TRPM1: variants seen among roughly 807,000 people sequenced by gnomAD.
The protein encoded by TRPM1 is transient receptor potential cation channel subfamily M member 1, also known as TRPM1-203 APA Isoform, Intron 10.
In TRPM1, 113 loss-of-function variants were observed where a neutral mutation model predicts 149.4. The ratio of observed to expected loss-of-function variants is 0.76; its 90% CI spans 0.65 to 0.88. The LOEUF (loss-of-function observed/expected upper bound fraction) is 0.88. TRPM1 is among the 40% of genes least tolerant of loss of function. TRPM1 has a pLI of 0.00. For missense variants in TRPM1, 1,976 were observed against 2,038.7 expected, an observed-to-expected ratio of 0.97 and a Z score of 0.59; for synonymous variants, 741 against 759.5, an observed-to-expected ratio of 0.98 and a Z score of 0.40.
chr15:31,119,715 TATAAGGA>T (rs2035851584), intron 1 of TRPM1, among the ~76,000 whole-genome samples: 1 of 152,196 alleles, frequency 6.6e-6, no homozygotes, highest in South Asian at 2.1e-4. Flanking sequence ...ACAATGATGT[TATAAGGA>T]ACAGGAGTGT....
intron 9 of TRPM1, 100 bp downstream of exon 9, chr15:31,062,479 A>G (rs985209986): frequency 2.0e-6 from 3 of 1,502,008 alleles, no homozygotes; most frequent in Non-Finnish European, 2.7e-6. Context: ...AGGCCGGACT[A>G]AAATATGAAT....
At chr15:31,088,733 T>A (rs1038641925) in intron 1 of TRPM1, among the ~76,000 whole-genome samples, 1 of 151,690 alleles carries the variant, frequency 6.6e-6, no homozygotes, top group African/African-American at 2.4e-5. Context: ...GAAGCGGCGG[T>A]ATTCGTCTTC....
chr15:31,160,943 C>G, exon 1 of TRPM1: 1 of 1,535,516 alleles, frequency 6.5e-7, no homozygotes. Flanking sequence ...GAGCGAGCCC[C>G]GCTTGAAGGA....
chr15:31,020,766 C>T, intron 27 of TRPM1, among the ~76,000 whole-genome samples: 1 of 152,082 alleles, frequency 6.6e-6, no homozygotes, highest in East Asian at 1.9e-4. Context: ...GAGGACGGCT[C>T]ATTTGGTTGG....
upstream of TRPM1, among the ~76,000 whole-genome samples, chr15:31,104,506 C>CTCT (rs1240531232): frequency 6.6e-6 from 1 of 151,328 alleles, no homozygotes; most frequent in Non-Finnish European, 1.5e-5. Context: ...TAGGAGACAT[C>CTCT]TCTTTTGCAA....
intron 27 of TRPM1, among the ~76,000 whole-genome samples, chr15:31,005,190 A>T (rs2141104000): frequency 6.6e-6 from 1 of 152,056 alleles, no homozygotes; most frequent in Non-Finnish European, 1.5e-5. Flanking sequence ...TTTTGTATCA[A>T]AAAAAACCCC....
rs61039099 is a variant in TRPM1 at position 31,072,018 on chromosome 15, TAGAG to T, written c.84-1796_84-1793del. Among the ~76,000 whole-genome samples, 283 of 36,810 alleles carry T rather than the reference TAGAG, an allele frequency of 7.7e-3. 8 individuals carry two copies. In the Middle Eastern group the frequency reaches 0.083, roughly 11 times the overall value. The allele number at this position is 36,810 out of a possible 152,430, so 24.1% of individuals were successfully genotyped here. On this transcript the variant is annotated intron_variant, in intron 3 of 27. Transcript: ENST00000256552. ...ATATATATATATATATATATATATA[TAGAG>T]AGAGAGAGAGAGAGAGAGAGAGAGA...
At chr15:31,046,261 A>G in intron 15 of TRPM1, 28 bp from the exon 16 acceptor site, 1 of 1,607,818 alleles carries the variant, frequency 6.2e-7, no homozygotes, top group Non-Finnish European at 8.5e-7. Flanking sequence ...AAGAAAAAAA[A>G]TCAATTTACT....
At chr15:31,016,650 T>C (rs1310015176) in intron 27 of TRPM1, among the ~76,000 whole-genome samples, 1 of 152,212 alleles carries the variant, frequency 6.6e-6, no homozygotes, top group East Asian at 1.9e-4. Context: ...CTCCATCCTT[T>C]TGTATCAAAG....
At chr15:31,043,368 A>G (rs1235906574) in intron 16 of TRPM1, among the ~76,000 whole-genome samples, 1 of 151,584 alleles carries the variant, frequency 6.6e-6, no homozygotes, top group Admixed American at 6.6e-5. Context: ...AATTTTTTGT[A>G]TGTTTAGTAG....
intron 11 of TRPM1, among the ~76,000 whole-genome samples, chr15:31,051,804 C>T (rs962145882): frequency 1.3e-5 from 2 of 152,186 alleles, no homozygotes; most frequent in African/African-American, 4.8e-5. Flanking sequence ...GCTTGCATGT[C>T]TCAAAGACAT....
chr15:31,140,521 G>A (rs1298006929), intron 1 of TRPM1, among the ~76,000 whole-genome samples: 2 of 152,204 alleles, frequency 1.3e-5, no homozygotes, highest in Non-Finnish European at 1.5e-5. Context: ...GTGAGTTCTT[G>A]CTTAATTAGC....
intron 2 of TRPM1, among the ~76,000 whole-genome samples, chr15:31,078,159 G>C (rs570939946): frequency 6.6e-6 from 1 of 152,246 alleles, no homozygotes; most frequent in African/African-American, 2.4e-5. Flanking sequence ...GACCAGGATG[G>C]GACTGAGGTA....
intron 1 of TRPM1, among the ~76,000 whole-genome samples, chr15:31,117,224 G>A (rs1163558278): frequency 6.6e-6 from 1 of 152,108 alleles, no homozygotes; most frequent in African/African-American, 2.4e-5. Context: ...GGTGGCTCAT[G>A]CCTGTAATAC....
chr15:31,080,853 G>C (rs556290496), intron 2 of TRPM1, among the ~76,000 whole-genome samples: 64 of 152,082 alleles, frequency 4.2e-4, no homozygotes, highest in African/African-American at 1.4e-3. Context: ...CCAGCACAGC[G>C]TGGGGAATCA....
At chr15:31,081,482 CCT>C (rs2034857332) in intron 1 of TRPM1, 44 bp from the exon 2 acceptor site, 1 of 1,299,376 alleles carries the variant, frequency 7.7e-7, no homozygotes, top group Admixed American at 2.1e-5. Flanking sequence ...TTGCCTGCAG[CCT>C]CTTTCTTGGG....
At chr15:31,104,020 A>G (rs552128720), upstream of TRPM1, among the ~76,000 whole-genome samples, 1 of 151,842 alleles carries the variant, frequency 6.6e-6, no homozygotes, top group Non-Finnish European at 1.5e-5. Flanking sequence ...GACCTGGTGC[A>G]TGGACACAGT....
intron 1 of TRPM1, among the ~76,000 whole-genome samples, chr15:31,129,086 G>A (rs1274474983): frequency 6.6e-6 from 1 of 152,222 alleles, no homozygotes; most frequent in Non-Finnish European, 1.5e-5. Context: ...CTCAGTCACA[G>A]AGAATGGCAT....
chr15:31,047,461 A>G (rs1032139912), intron 14 of TRPM1, among the ~76,000 whole-genome samples: 3 of 152,224 alleles, frequency 2.0e-5, no homozygotes, highest in African/African-American at 7.2e-5. Context: ...AGCAGCTGCA[A>G]TCAACAGGAC....
Sources: gnomAD v4.1 joint callset for allele counts (sites outside exome capture counted in the v4.1 genomes callset) on GRCh38, gnomAD v4.1.1 for gene constraint, MANE v1.5 for transcripts, NCBI Gene and HGNC (gene_info 2026-07-23, HGNC 2026-07-21) for gene names.